The following EDEM3 variants were observed in gnomAD, a reference collection of about 807,000 sequenced individuals.
The protein encoded by EDEM3 is ER degradation enhancing alpha-mannosidase like protein 3.
A neutral mutation model predicts 110.2 loss-of-function variants in EDEM3; 60 were observed. That is an observed-to-expected ratio of 0.54 (90% CI 0.44 to 0.67). EDEM3 has a LOEUF of 0.67. EDEM3 is among the 30% of genes least tolerant of loss of function. EDEM3 has a pLI of 0.00. For missense variants in EDEM3, 996 were observed against 1,121.0 expected (o/e 0.89, Z 1.59); for synonymous variants, 352 against 382.9 (o/e 0.92, Z 0.94).
chr1:184,740,175 G>T (rs1652058244), intron 2 of EDEM3, among the ~76,000 whole-genome samples: 1 of 152,058 alleles, frequency 6.6e-6, no homozygotes, highest in Non-Finnish European at 1.5e-5. Context: ...ATAATTATGA[G>T]AAATATTTTG....
intron 2 of EDEM3, among the ~76,000 whole-genome samples, chr1:184,743,741 G>A (rs1652266924): frequency 6.6e-6 from 1 of 152,052 alleles, no homozygotes; most frequent in African/African-American, 2.4e-5. Context: ...AGGGTAGATA[G>A]ATCAACAAAA....
In EDEM3 at chr1:184,754,525, G is replaced by A. The variant is rs537587048; in HGVS notation, c.122C>T (p.Ala41Val). The A allele has an allele frequency of 4.0e-5, 64 of 1,612,934 alleles. No individual in the cohort carries two copies. In the South Asian group the frequency reaches 6.3e-4, roughly 16 times the overall value. Residue 41 changes from alanine (A) to valine (V), a missense_variant, in exon 1 of 20, where the codon GCC becomes GTC. Around this residue, in one of 5 missense-constraint regions of EDEM3, gnomAD observed 200 missense variants for 183.8 expected, o/e 1.09. Transcript: ENST00000318130. ...VSATSVWTAG[A>V]EPMSREEKQK... is the part of the protein sequence containing the mutation. ...TTTCTCCTCCCTACTCATGGGCTCG[G>A]CCCCCGCCGTCCACACGGAGGTGGC...
At chr1:184,751,827 C>T (rs996594876) in intron 1 of EDEM3, among the ~76,000 whole-genome samples, 7 of 152,196 alleles carry the variant, frequency 4.6e-5, no homozygotes, top group Admixed American at 2.6e-4. Flanking sequence ...GATCTCTGCT[C>T]GCTGCAACCT....
chr1:184,723,810 C>T lies in EDEM3; in HGVS notation c.794G>A (p.Arg265Gln), dbSNP rs540617947. The T allele has an allele frequency of 1.6e-5, 26 of 1,589,528 alleles. No individual in the cohort carries two copies. The highest frequency in any genetic ancestry group is 2.7e-5 in the African/African-American group (2 of 72,792). The change falls in exon 8 of 20, where the codon CGA becomes CAA. Residue 265 changes from arginine (R) to glutamine (Q), a missense_variant. Coordinates refer to ENST00000318130, the MANE Select transcript of EDEM3 (RefSeq NM_025191.4). Reference sequence around the variant, plus strand: ...AGTCACGCCCACTAAATTACTACTTCGCTGTCTTTTTTCCCAGAGAAAATC... The same window carrying T: ...AGTCACGCCCACTAAATTACTACTTTGCTGTCTTTTTTCCCAGAGAAAATC... Reference protein sequence around the residue: ...ALDFLWEKRQRSSNLVGVTIN... With the variant: ...ALDFLWEKRQQSSNLVGVTIN...
intron 19 of EDEM3, chr1:184,701,631 A>T: frequency 1.2e-6 from 1 of 868,294 alleles, no homozygotes; most frequent in Non-Finnish European, 1.6e-6. Flanking sequence ...CCTATGTTAG[A>T]TGTGCCTAAA....
rs547641303 is a variant in EDEM3, at chr1:184,745,064, G to T, written c.204+4483C>A. On this transcript the variant is annotated intron_variant, in intron 2 of 19. Coordinates refer to ENST00000318130, the MANE Select transcript of EDEM3 (RefSeq NM_025191.4). ...TGACTGTGATGGTGGTTAAACAACT[G>T]TATACAATTGTCAAAAAAGAATTGT... 4.6e-5 allele frequency among the ~76,000 whole-genome samples: 7 copies of T among 152,116 alleles called. No individual in the cohort carries two copies. The South Asian group carries it at 1.4e-3, about 32-fold the overall frequency.
chr1:184,740,252 T>C (rs374604817), intron 2 of EDEM3, among the ~76,000 whole-genome samples: 80 of 152,290 alleles, frequency 5.3e-4, no homozygotes, highest in African/African-American at 1.7e-3. Flanking sequence ...CCAAGAATAA[T>C]AGGATTAACA....
chr1:184,729,145 T>C (rs998130928), intron 6 of EDEM3, among the ~76,000 whole-genome samples: 3 of 152,242 alleles, frequency 2.0e-5, no homozygotes, highest in African/African-American at 7.2e-5. Context: ...AAGGAGCTTA[T>C]TGTCCTGCTT....
intron 4 of EDEM3, among the ~76,000 whole-genome samples, chr1:184,735,861 A>G (rs992978101): frequency 6.6e-6 from 1 of 152,032 alleles, no homozygotes; most frequent in Admixed American, 6.6e-5. Flanking sequence ...TGTTAATCTA[A>G]TTCTTCTCCC....
intron 1 of EDEM3, among the ~76,000 whole-genome samples, chr1:184,751,788 T>C (rs572382387): frequency 1.2e-4 from 18 of 152,380 alleles, no homozygotes; most frequent in African/African-American, 4.3e-4. Context: ...AGTTTTGCTC[T>C]TGTTGCCCGG....
intron 2 of EDEM3, among the ~76,000 whole-genome samples, chr1:184,741,882 A>G (rs936771253): frequency 2.0e-5 from 3 of 152,172 alleles, no homozygotes; most frequent in African/African-American, 7.2e-5. Flanking sequence ...TTGAAGATAC[A>G]GTTCTATACT....
chr1:184,704,614 C>A (rs1649807216), intron 18 of EDEM3, among the ~76,000 whole-genome samples: 1 of 123,692 alleles, frequency 8.1e-6, no homozygotes, highest in Admixed American at 9.6e-5. Flanking sequence ...CATGCCACTG[C>A]ACTCTAGCCT....
chr1:184,697,653 T>C (rs965239336), intron 19 of EDEM3, among the ~76,000 whole-genome samples: 3 of 151,856 alleles, frequency 2.0e-5, no homozygotes, highest in Admixed American at 1.3e-4. Context: ...GACAACTCAA[T>C]TGGAAAGACT....
At chr1:184,745,507 TA>T (rs1351060057) in intron 2 of EDEM3, among the ~76,000 whole-genome samples, 1 of 152,110 alleles carries the variant, frequency 6.6e-6, no homozygotes, top group Non-Finnish European at 1.5e-5. Context: ...TGAATGTACT[TA>T]ATGCCACAAA....
chr1:184,704,649 C>CAAAAAAAAAAAAAAAA (rs58913815), intron 18 of EDEM3, among the ~76,000 whole-genome samples: 3 of 29,904 alleles, frequency 1.0e-4, no homozygotes, highest in African/African-American at 3.2e-4. Flanking sequence ...GACTCTGTCT[C>CAAAAAAAAAAAAAAAA]AAAAAAAAAA....
At chr1:184,728,985 GA>G (rs919524745) in intron 6 of EDEM3, among the ~76,000 whole-genome samples, 2 of 152,136 alleles carry the variant, frequency 1.3e-5, no homozygotes, top group Non-Finnish European at 2.9e-5. Flanking sequence ...ACAAATCAGG[GA>G]AGAAGGGTTC....
At chr1:184,701,193 T>A (rs1649600828) in intron 19 of EDEM3, among the ~76,000 whole-genome samples, 1 of 151,994 alleles carries the variant, frequency 6.6e-6, no homozygotes, top group South Asian at 2.1e-4. Context: ...CTTTAAATAT[T>A]TTACATTGTG....
chr1:184,754,499 G>C lies in EDEM3; in HGVS notation c.148C>G (p.Gln50Glu). Residue 50 changes from glutamine to glutamate, a missense_variant, in exon 1 of 20, where the codon CAG becomes GAG. By Grantham distance (29) the Gln-to-Glu change is conservative (BLOSUM62 2). Around this residue, in one of 5 missense-constraint regions of EDEM3, gnomAD observed 200 missense variants for 183.8 expected, o/e 1.09. Coordinates refer to ENST00000318130, the MANE Select transcript of EDEM3 (RefSeq NM_025191.4). ...TGCCAGCACCCTTACCCAAGCTTCT[G>C]TTTCTCCTCCCTACTCATGGGCTCG... ...GAEPMSREEKQKLGNQVLEMF... is the reference protein window; with the variant it reads ...GAEPMSREEKEKLGNQVLEMF... The C allele has an allele frequency of 6.2e-7, 1 of 1,613,180 alleles. No homozygotes were observed. The highest frequency in any genetic ancestry group is 8.5e-7 in the Non-Finnish European group (1 of 1,179,790).
intron 7 of EDEM3, among the ~76,000 whole-genome samples, chr1:184,724,401 A>G (rs1481303350): frequency 6.6e-6 from 1 of 152,154 alleles, no homozygotes; most frequent in Non-Finnish European, 1.5e-5. Flanking sequence ...AGGCTACCAA[A>G]TATTTGATAA....
Sources: gnomAD v4.1 joint callset for allele counts (sites outside exome capture counted in the v4.1 genomes callset) on GRCh38, gnomAD v4.1.1 for gene constraint, gnomAD v4.1.1 regional missense constraint, MANE v1.5 for transcripts, NCBI Gene and HGNC (gene_info 2026-07-23, HGNC 2026-07-21) for gene names.